ADAMTSL3: variants seen among roughly 807,000 people sequenced by gnomAD.
The protein encoded by ADAMTSL3 is ADAMTS like 3, also known as ADAMTS-like protein 3.
Under a neutral mutation model 201.7 loss-of-function variants are expected in ADAMTSL3, and 128 were observed. The observed-to-expected ratio is 0.63, with a 90% CI of 0.55 to 0.73. The LOEUF (loss-of-function observed/expected upper bound fraction) is 0.73, where lower values mean the gene tolerates loss of function less well. ADAMTSL3 is among the 30% of genes least tolerant of loss of function. The pLI is 0.00. For synonymous variants in ADAMTSL3, 738 were observed against 748.4 expected (o/e 0.99, Z 0.23); for missense variants, 1,990 against 2,119.6 (o/e 0.94, Z 1.20).
chr15:83,989,866 G>A (rs889738869), intron 22 of ADAMTSL3, among the ~76,000 whole-genome samples: 1 of 152,230 alleles, frequency 6.6e-6, no homozygotes, highest in Admixed American at 6.5e-5. Context: ...TTAATTAAAC[G>A]TTAACTTTGC....
At chr15:83,829,204 G>T (rs1432961622) in intron 6 of ADAMTSL3, among the ~76,000 whole-genome samples, 2 of 152,078 alleles carry the variant, frequency 1.3e-5, no homozygotes, top group South Asian at 4.1e-4. Context: ...CAATTTCAGA[G>T]CCTGTTATTG....
chr15:84,010,401 A>G (rs1400965147), intron 23 of ADAMTSL3, among the ~76,000 whole-genome samples: 1 of 152,182 alleles, frequency 6.6e-6, no homozygotes, highest in Non-Finnish European at 1.5e-5. Context: ...GGAAGAGAGC[A>G]TTGGTATGAA....
At position 83,820,066 on chromosome 15, in the gene ADAMTSL3, C is replaced by T. The variant is rs767700637; in HGVS notation, c.600+19C>T. 17 of 1,594,572 alleles carry T rather than the reference C, an allele frequency of 1.1e-5. 1 individual carries two copies. In the South Asian group the frequency reaches 1.8e-4, roughly 17 times the overall value. On this transcript the variant is annotated intron_variant, in intron 6 of 29. Coordinates refer to ENST00000286744, the MANE Select transcript of ADAMTSL3 (RefSeq NM_207517.3). Reference sequence around the variant, plus strand: ...CTGTCAGGTAAGCACACTTACCTCCCAATCCCCTGCTTTGGGGATGTGCCA... The same window carrying T: ...CTGTCAGGTAAGCACACTTACCTCCTAATCCCCTGCTTTGGGGATGTGCCA...
chr15:83,747,943 A>C (rs944424128), intron 3 of ADAMTSL3, among the ~76,000 whole-genome samples: 29 of 151,150 alleles, frequency 1.9e-4, no homozygotes, highest in African/African-American at 6.8e-4. Flanking sequence ...CCAGAATGGC[A>C]GCTCTCAGCA....
intron 16 of ADAMTSL3, among the ~76,000 whole-genome samples, chr15:83,922,853 G>A (rs902547202): frequency 3.3e-5 from 5 of 152,130 alleles, no homozygotes; most frequent in Non-Finnish European, 5.9e-5. Context: ...TAACATAATG[G>A]AACACACATT....
intron 3 of ADAMTSL3, among the ~76,000 whole-genome samples, chr15:83,717,858 A>T (rs2062040928): frequency 6.6e-6 from 1 of 152,164 alleles, no homozygotes; most frequent in African/African-American, 2.4e-5. Context: ...TTTTGCAGTG[A>T]CGTTATTGTT....
intron 8 of ADAMTSL3, among the ~76,000 whole-genome samples, chr15:83,864,141 AG>A (rs1344004639): frequency 1.3e-5 from 2 of 152,226 alleles, no homozygotes; most frequent in Non-Finnish European, 2.9e-5. Flanking sequence ...AACCAAAAAA[AG>A]TCCAGGACCA....
intron 19 of ADAMTSL3, among the ~76,000 whole-genome samples, chr15:83,955,359 C>T (rs2066839655): frequency 6.6e-6 from 1 of 152,142 alleles, no homozygotes; most frequent in Admixed American, 6.5e-5. Flanking sequence ...TGCCTAGGGG[C>T]TCTTCAGCCA....
intron 5 of ADAMTSL3, among the ~76,000 whole-genome samples, chr15:83,819,148 T>A (rs1019231012): frequency 6.6e-6 from 1 of 151,172 alleles, no homozygotes; most frequent in Non-Finnish European, 1.5e-5. Flanking sequence ...CGGGCGCCTG[T>A]AGTCCCAGCT....
rs868089144 is a variant in ADAMTSL3 at position 83,903,949 on chromosome 15, A to T, written c.1700+4218A>T. Among the ~76,000 whole-genome samples, 2 of 38,602 alleles carry T rather than the reference A, an allele frequency of 5.2e-5. 1 individual carries two copies. Among genetic ancestry groups the T allele is most frequent in the African/African-American group, 3.4e-4 (2 of 5,898 alleles). The allele number at this position is 38,602 out of a possible 152,430, so 25.3% of individuals were successfully genotyped here. A position where few individuals can be genotyped will look rare whatever the true frequency, so the allele number is the denominator to read the frequency against. Reference sequence around the variant, plus strand: ...AAAAAAAAAAAAAAAAAAAAAGAAAAAAGAAAGAAAGAAAGAAAGAAAAGG... The same window carrying T: ...AAAAAAAAAAAAAAAAAAAAAGAAATAAGAAAGAAAGAAAGAAAGAAAAGG... On this transcript the variant is annotated intron_variant, in intron 15 of 29. Coordinates refer to ENST00000286744, the MANE Select transcript of ADAMTSL3 (RefSeq NM_207517.3).
At chr15:83,704,331 A>C in intron 2 of ADAMTSL3, 58 bp from the exon 3 acceptor site, 1 of 1,610,866 alleles carries the variant, frequency 6.2e-7, no homozygotes, top group Non-Finnish European at 8.5e-7. Context: ...CTTGGACTTT[A>C]CCTGTCAGGG....
chr15:83,767,783 T>C (rs974906875), intron 3 of ADAMTSL3, among the ~76,000 whole-genome samples: 3 of 152,236 alleles, frequency 2.0e-5, no homozygotes, highest in African/African-American at 4.8e-5. Flanking sequence ...TTATTTCATA[T>C]TTTTATTGTA....
chr15:83,926,502 A>G (rs767899652), intron 17 of ADAMTSL3, among the ~76,000 whole-genome samples: 15 of 151,766 alleles, frequency 9.9e-5, no homozygotes, highest in Non-Finnish European at 1.6e-4. Flanking sequence ...ATTTAAAACT[A>G]GGGATCCAGC....
chr15:83,884,976 C>A, intron 9 of ADAMTSL3, 125 bp from the exon 10 acceptor site: 3 of 622,790 alleles, frequency 4.8e-6, no homozygotes, highest in South Asian at 2.1e-5. Context: ...GGACTCTTGC[C>A]CCATAGTTTT....
At chr15:83,881,510 C>T (rs2065270298) in intron 9 of ADAMTSL3, among the ~76,000 whole-genome samples, 1 of 152,202 alleles carries the variant, frequency 6.6e-6, no homozygotes, top group Non-Finnish European at 1.5e-5. Context: ...GGTCTTAGTC[C>T]TGCAAATCCT....
At chr15:83,992,242 C>A (rs1334523382) in intron 23 of ADAMTSL3, among the ~76,000 whole-genome samples, 5 of 152,148 alleles carry the variant, frequency 3.3e-5, no homozygotes, top group African/African-American at 1.2e-4. Flanking sequence ...TCAGGCTCTC[C>A]CTCCACTGTC....
chr15:83,702,216 A>G (rs2061787764), intron 2 of ADAMTSL3, among the ~76,000 whole-genome samples: 1 of 152,248 alleles, frequency 6.6e-6, no homozygotes, highest in Non-Finnish European at 1.5e-5. Context: ...AAAGCATTCA[A>G]GAGATGACTT....
At chr15:83,673,270 C>T (rs1256891108) in intron 2 of ADAMTSL3, among the ~76,000 whole-genome samples, 1 of 152,106 alleles carries the variant, frequency 6.6e-6, no homozygotes, top group Non-Finnish European at 1.5e-5. Flanking sequence ...GGAGAGAAAC[C>T]CAGCCTACAC....
chr15:83,898,130 T>C, intron 14 of ADAMTSL3, 125 bp downstream of exon 14: 1 of 1,062,832 alleles, frequency 9.4e-7, no homozygotes. Context: ...CAGATTGCAA[T>C]AGACCTTCCC....
Sources: gnomAD v4.1 joint callset for allele counts (sites outside exome capture counted in the v4.1 genomes callset) on GRCh38, gnomAD v4.1.1 for gene constraint, MANE v1.5 for transcripts, NCBI Gene and HGNC (gene_info 2026-07-23, HGNC 2026-07-21) for gene names.